Variants in L1TD1 observed in about 807,000 individuals in gnomAD.
The protein encoded by L1TD1 is LINE1 type transposase domain containing 1.
In L1TD1, 26 loss-of-function variants were observed where a neutral mutation model predicts 25.7. The ratio of observed to expected loss-of-function variants is 1.01; its 90% CI spans 0.74 to 1.40. L1TD1 has a LOEUF of 1.40. Ranked by LOEUF, L1TD1 falls within the 40% of genes most tolerant of loss-of-function variation. The pLI, the probability that L1TD1 is intolerant of heterozygous loss-of-function variation, is 0.00. For synonymous variants in L1TD1, 421 were observed against 335.6 expected, an observed-to-expected ratio of 1.25 and a Z score of -2.78; for missense variants, 1,130 against 975.0, an observed-to-expected ratio of 1.16 and a Z score of -2.12.
Position 62,206,815 on chromosome 1 carries a change from G to C in L1TD1, c.187G>C (p.Asp63His). 1 of 1,601,518 alleles carries C rather than the reference G, an allele frequency of 6.2e-7. No individual in the cohort carries two copies. Among genetic ancestry groups the C allele is most frequent in the Non-Finnish European group, 8.5e-7 (1 of 1,172,920 alleles). The change falls in exon 3 of 4, where the codon GAC becomes CAC. Residue 63 changes from aspartate to histidine, a missense_variant. Physicochemically the swap from Asp to His is moderately conservative, Grantham distance 81. Transcript: ENST00000498273. ...NKFKVLMEIQ[D>H]LMFEEMRETL... ...GTTTAAGGTCTTAATGGAAATTCAA[G>C]ACCTGATGTTTGAGGAGATGAGGGA... is the stretch of plus-strand genomic sequence containing the variant.
At chr1:62,199,410 A>AT (rs1314391905) in intron 2 of L1TD1, among the ~76,000 whole-genome samples, 1 of 150,450 alleles carries the variant, frequency 6.6e-6, no homozygotes, top group African/African-American at 2.5e-5. Context: ...AGGCGGGAGA[A>AT]TCGCTTGAAC....
chr1:62,210,708 T>TA lies in L1TD1; in HGVS notation c.1934_1935insA (p.Glu646Ter). On this transcript the variant is annotated frameshift_variant, in exon 4 of 4. Coordinates refer to ENST00000498273, the MANE Select transcript of L1TD1 (RefSeq NM_019079.5). LOFTEE classifies it low-confidence loss of function (END_TRUNC). Reference sequence around the variant, plus strand: ...AGTTCCCATTCAGGTGTCTTGGAAATTGAAAATTCAGTAGATGATCTGAGT... The same window carrying TA: ...AGTTCCCATTCAGGTGTCTTGGAAATATGAAAATTCAGTAGATGATCTGAGT... The TA allele has an allele frequency of 6.4e-7, 1 of 1,551,960 alleles. No homozygotes were observed. Among genetic ancestry groups the TA allele is most frequent in the Non-Finnish European group, 8.7e-7 (1 of 1,147,090 alleles).
chr1:62,209,400 T>C (rs945767415), intron 3 of L1TD1, among the ~76,000 whole-genome samples: 2 of 152,002 alleles, frequency 1.3e-5, no homozygotes, highest in Admixed American at 6.6e-5. Context: ...TTGTAAACTT[T>C]AGCCAGATTA....
chr1:62,205,372 TTTCTCTCTCTCTCTCTTTCTCTC>T (rs1557443335), intron 2 of L1TD1, among the ~76,000 whole-genome samples: 6 of 95,678 alleles, frequency 6.3e-5, no homozygotes, highest in African/African-American at 2.3e-4. Context: ...GAAAACTCTC[TTTCTCTCTCTCTCTCTTTCTCTC>T]TCTCTCTCTC....
chr1:62,210,060 C>T lies in L1TD1; in HGVS notation c.1286C>T (p.Ala429Val), dbSNP rs1471550510. 2 of 1,613,468 alleles carry T rather than the reference C, an allele frequency of 1.2e-6. No homozygotes were observed. Among genetic ancestry groups the T allele is most frequent in the Non-Finnish European group, 1.7e-6 (2 of 1,179,784 alleles). The change falls in exon 4 of 4, where the codon GCC becomes GTC. Residue 429 changes from alanine (A) to valine (V), a missense_variant. Coordinates refer to ENST00000498273, the MANE Select transcript of L1TD1 (RefSeq NM_019079.5). Reference sequence around the variant, plus strand: ...GCTTCAGGGTTGGAGGAGGATGAGGCCTCAGGGCTAGAGGAGGAAGAGGAA... The same window carrying T: ...GCTTCAGGGTTGGAGGAGGATGAGGTCTCAGGGCTAGAGGAGGAAGAGGAA... ...EEASGLEEDE[A>V]SGLEEEEEQT...
At chr1:62,205,373 T>TCTCTCTC (rs1670716070) in intron 2 of L1TD1, among the ~76,000 whole-genome samples, 5 of 90,202 alleles carry the variant, frequency 5.5e-5, no homozygotes, top group African/African-American at 1.9e-4. Context: ...AAAACTCTCT[T>TCTCTCTC]TCTCTCTCTC....
At chr1:62,205,064 A>T (rs1320190825) in intron 2 of L1TD1, among the ~76,000 whole-genome samples, 1 of 152,078 alleles carries the variant, frequency 6.6e-6, no homozygotes, top group Non-Finnish European at 1.5e-5. Flanking sequence ...AAAAATCAAT[A>T]TTCTTGGCTG....
rs1434932971 is a variant in L1TD1, at chr1:62,210,769, T to C, written c.1995T>C (p.Ser665=). Residue 665 remains serine, a synonymous_variant, in exon 4 of 4, where the codon AGT becomes AGC. Coordinates refer to ENST00000498273, the MANE Select transcript of L1TD1 (RefSeq NM_019079.5). ...ACATACTTGAAGAAAGAATAGACAG[T>C]CTAGAAGATCAAATTGAAGAATTCT... The part of the protein sequence containing the change: ...RMDILEERID[S]LEDQIEEFSK... 2.6e-6 allele frequency: 4 copies of C among 1,550,506 alleles called. No homozygotes were observed. In the Middle Eastern group the frequency reaches 5.0e-4, roughly 194 times the overall value.
In L1TD1 at chr1:62,205,439, A is replaced by ATTTTTTTTTTTTTTT. The variant is rs1297750882; in HGVS notation, c.-110-1079_-110-1078insTTTTTTTTTTTTTTT. ...TCTCTATATATATATATATATATAT[A>ATTTTTTTTTTTTTTT]TATATTTTTTTTTAGACAGTCTTGC... On this transcript the variant is annotated intron_variant, in intron 2 of 3. Coordinates refer to ENST00000498273, the MANE Select transcript of L1TD1 (RefSeq NM_019079.5). Among the ~76,000 whole-genome samples the ATTTTTTTTTTTTTTT allele has an allele frequency of 3.8e-3, 166 of 44,110 alleles. 6 individuals carry two copies. The highest frequency in any genetic ancestry group is 0.012 in the Middle Eastern group (1 of 86). 28.9% of individuals were successfully genotyped at this position (44,110 alleles called of 152,430 possible).
At position 62,210,325 on chromosome 1, in the gene L1TD1, C is replaced by A; in HGVS notation, c.1551C>A (p.Asp517Glu). 1 of 1,613,878 alleles carries A rather than the reference C, an allele frequency of 6.2e-7. No homozygotes were observed. Residue 517 changes from aspartate (D) to glutamate (E), a missense_variant, in exon 4 of 4, where the codon GAC becomes GAA. Transcript: ENST00000498273. ...TTCCCTTTAGTTATTTGGTTGGGGA[C>A]TCTGGGAAGAAAAAGTTGGTGAAAC... ...KEIPFSYLVG[D>E]SGKKKLVKHQ...
intron 2 of L1TD1, among the ~76,000 whole-genome samples, chr1:62,202,965 G>C (rs563161428): frequency 7.9e-5 from 12 of 152,164 alleles, no homozygotes; most frequent in Admixed American, 5.9e-4. Flanking sequence ...TTACAGGCAT[G>C]AGCCACCTCA....
intron 2 of L1TD1, among the ~76,000 whole-genome samples, chr1:62,196,992 G>A (rs1670555591): frequency 6.6e-6 from 1 of 152,066 alleles, no homozygotes; most frequent in South Asian, 2.1e-4. Flanking sequence ...CCCTTTTGCA[G>A]TCTGGTGCTA....
intron 2 of L1TD1, among the ~76,000 whole-genome samples, chr1:62,199,381 C>T (rs980758588): frequency 6.6e-6 from 1 of 151,926 alleles, no homozygotes; most frequent in Non-Finnish European, 1.5e-5. Flanking sequence ...GCCTGTTGTC[C>T]CAGCAACTCA....
At position 62,207,196 on chromosome 1, in the gene L1TD1, G is replaced by A. The variant is rs1670766467; in HGVS notation, c.568G>A (p.Val190Ile). ...NIDDRDGNRN[V>I]HLEFTERESR... Reference sequence around the variant, plus strand: ...AGATGACAGAGATGGAAATCGCAATGTCCATTTAGAATTTACAGAAAGAGA... The same window carrying A: ...AGATGACAGAGATGGAAATCGCAATATCCATTTAGAATTTACAGAAAGAGA... The change falls in exon 3 of 4, where the codon GTC (valine) becomes ATC (isoleucine). Residue 190 changes from valine to isoleucine, a missense_variant. Coordinates refer to ENST00000498273, the MANE Select transcript of L1TD1 (RefSeq NM_019079.5). 6.4e-7 allele frequency: 1 copy of A among 1,552,062 alleles called. No homozygotes were observed. Among genetic ancestry groups the A allele is most frequent in the African/African-American group, 1.4e-5 (1 of 73,038 alleles).
chr1:62,207,633 A>T lies in L1TD1; in HGVS notation c.1005A>T (p.Lys335Asn). 6.5e-7 allele frequency: 1 copy of T among 1,529,792 alleles called. No homozygotes were observed. Among genetic ancestry groups the T allele is most frequent in the Non-Finnish European group, 8.8e-7 (1 of 1,138,854 alleles). The allele number at this position is 1,529,792 out of a possible 1,614,324, so 94.8% of individuals were successfully genotyped here. The part of the protein sequence containing the change: ...QGGRKYGIQE[K>N]RDKTLIDSKH... ...GAAGAAAATATGGAATTCAAGAAAA[A>T]AGGGTAAGCATACAAATGTATAAAT... The change falls in exon 3 of 4, where the codon AAA becomes AAT. Residue 335 changes from lysine to asparagine, a missense_variant. Physicochemically the swap from Lys to Asn is moderately conservative, Grantham distance 94. Transcript: ENST00000498273.
In L1TD1 at chr1:62,211,613, T is replaced by G. The variant is rs1670874389; in HGVS notation, c.*241T>G. 1 of 439,758 alleles carries G rather than the reference T, an allele frequency of 2.3e-6. No homozygotes were observed. Among genetic ancestry groups the G allele is most frequent in the Non-Finnish European group, 3.6e-6 (1 of 277,282 alleles). The allele number at this position is 439,758 out of a possible 1,614,324, so 27.2% of individuals were successfully genotyped here. Reference sequence around the variant, plus strand: ...TGATCACAGTCAGTTACAGATAGAATTCCTTGTTTTACTTCCCCCCCACCA... The same window carrying G: ...TGATCACAGTCAGTTACAGATAGAAGTCCTTGTTTTACTTCCCCCCCACCA... On this transcript the variant is annotated 3_prime_UTR_variant, in exon 4 of 4. Coordinates refer to ENST00000498273, the MANE Select transcript of L1TD1 (RefSeq NM_019079.5).
rs1230177519 is a variant in L1TD1, at chr1:62,206,818, C to A, written c.190C>A (p.Leu64Met). The A allele has an allele frequency of 1.9e-6, 3 of 1,603,336 alleles. No homozygotes were observed. The highest frequency in any genetic ancestry group is 2.6e-6 in the Non-Finnish European group (3 of 1,174,122). Reference sequence around the variant, plus strand: ...TAAGGTCTTAATGGAAATTCAAGACCTGATGTTTGAGGAGATGAGGGAAAC... The same window carrying A: ...TAAGGTCTTAATGGAAATTCAAGACATGATGTTTGAGGAGATGAGGGAAAC... The part of the protein sequence containing the change: ...KFKVLMEIQD[L>M]MFEEMRETLK... Residue 64 changes from leucine (L) to methionine (M), a missense_variant, in exon 3 of 4, where the codon CTG becomes ATG. By Grantham distance (15) the Leu-to-Met change is conservative. Transcript: ENST00000498273.
At chr1:62,207,959 C>T (rs190262093) in intron 3 of L1TD1, among the ~76,000 whole-genome samples, 116 of 152,266 alleles carry the variant, frequency 7.6e-4, no homozygotes, top group Middle Eastern at 6.8e-3. Context: ...TGATCCACCT[C>T]GGCTACCCAA....
Position 62,204,070 on chromosome 1 carries a change from T to C in L1TD1, c.-110-2449T>C, listed in dbSNP as rs186373138. Among the ~76,000 whole-genome samples the C allele has an allele frequency of 4.6e-3, 706 of 152,296 alleles. 6 individuals are homozygous for C. Among genetic ancestry groups the C allele is most frequent in the Admixed American group, 7.4e-3 (113 of 15,286 alleles). On this transcript the variant is annotated intron_variant, in intron 2 of 3. Transcript: ENST00000498273. ...AAGAGTTTGGGCACAGCTAAGATAA[T>C]AGTTGCTTCTAAATTTTCTGATTTA...
Sources: gnomAD v4.1 joint callset for allele counts (sites outside exome capture counted in the v4.1 genomes callset) on GRCh38, gnomAD v4.1.1 for gene constraint, MANE v1.5 for transcripts, NCBI Gene and HGNC (gene_info 2026-07-23, HGNC 2026-07-21) for gene names.